The following PCSK7 variants were observed in gnomAD, a reference collection of about 807,000 sequenced individuals.
The protein encoded by PCSK7 is lymphoma proprotein convertase.
A neutral mutation model predicts 73.3 loss-of-function variants in PCSK7; 38 were observed. That is an observed-to-expected ratio of 0.52 (90% CI 0.40 to 0.68). PCSK7 has a LOEUF of 0.68. Ranked by LOEUF, PCSK7 falls within the 30% of genes least tolerant of loss-of-function variation. The pLI is 0.00. For missense variants in PCSK7, 692 were observed against 991.5 expected (o/e 0.70, Z 4.06); for synonymous variants, 296 against 383.8 (o/e 0.77, Z 2.68).
rs1239177996 is a variant in PCSK7, at chr11:117,204,948, T to A, written c.*1049A>T. ...CAAGATTCCAGGACAGTCAGATTCT[T>A]TCAGAGGAAACAGGCCATAGAACAG... is the stretch of plus-strand genomic sequence containing the variant. On this transcript the variant is annotated 3_prime_UTR_variant, in exon 17 of 17. Coordinates refer to ENST00000320934, the MANE Select transcript of PCSK7 (RefSeq NM_004716.4). 5.0e-6 allele frequency: 1 copy of A among 199,942 alleles called. No homozygotes were observed. The highest frequency in any genetic ancestry group is 1.1e-5 in the Non-Finnish European group (1 of 95,232). 12.4% of individuals were successfully genotyped at this position (199,942 alleles called of 1,614,324 possible).
At position 117,205,741 on chromosome 11, in the gene PCSK7, C is replaced by G. The variant is rs2031331317; in HGVS notation, c.*256G>C. On this transcript the variant is annotated 3_prime_UTR_variant, in exon 17 of 17. Transcript: ENST00000320934. The stretch of plus-strand genomic sequence containing the variant: ...AGAGAGATGAGGATGGAGGCCAAAC[C>G]AAAGGGGGGCGCCAATCCCCTGTCC... 1 of 388,636 alleles carries G rather than the reference C, an allele frequency of 2.6e-6. No individual in the cohort carries two copies. Among genetic ancestry groups the G allele is most frequent in the South Asian group, 1.0e-4 (1 of 9,910 alleles). The allele number at this position is 388,636 out of a possible 1,614,324, so 24.1% of individuals were successfully genotyped here.
chr11:117,215,380 G>GTATATATATA (rs57009414), intron 12 of PCSK7: 1,039 of 55,610 alleles, frequency 0.019, 18 homozygotes, highest in Non-Finnish European at 0.021. Flanking sequence ...GTGTGTGTGT[G>GTATATATATA]TATATATATA....
intron 3 of PCSK7, 86 bp from the exon 4 acceptor site, chr11:117,228,436 C>T: frequency 8.0e-7 from 1 of 1,255,204 alleles, no homozygotes. Context: ...CCTTTTCACC[C>T]TTGGCCTCCA....
At position 117,225,936 on chromosome 11, in the gene PCSK7, GC is replaced by G. The variant is rs1232770834; in HGVS notation, c.854del (p.Ser285ThrfsTer28). 9 of 1,595,682 alleles carry G rather than the reference GC, an allele frequency of 5.6e-6. No homozygotes were observed. The highest frequency in any genetic ancestry group is 7.7e-6 in the Non-Finnish European group (9 of 1,163,468). ...CATCTGCAGCTCTGCCTCACCTGCA[GC>G]TGTAGATGTCATTGATCTGATAGTG... ...NKHYQINDIY[S>X]CSWGPDDDGK... On this transcript the variant is annotated frameshift_variant, in exon 6 of 17. Coordinates refer to ENST00000320934, the MANE Select transcript of PCSK7 (RefSeq NM_004716.4). LOFTEE classifies it high-confidence loss of function.
At chr11:117,228,136 GA>G in intron 4 of PCSK7, 79 bp downstream of exon 4, 1 of 1,430,512 alleles carries the variant, frequency 7.0e-7, no homozygotes, top group South Asian at 1.2e-5. Flanking sequence ...AAGACCTCTA[GA>G]AAAGGGGACA....
intron 5 of PCSK7, 63 bp from the exon 6 acceptor site, chr11:117,226,084 G>A: frequency 1.1e-6 from 1 of 922,518 alleles, no homozygotes; most frequent in Non-Finnish European, 1.8e-6. Context: ...GGAACTGGGA[G>A]GTGGGGAGCC....
chr11:117,219,953 A>C, intron 9 of PCSK7, 195 bp from the exon 10 acceptor site: 1 of 450,966 alleles, frequency 2.2e-6, no homozygotes, highest in Non-Finnish European at 3.9e-6. Flanking sequence ...AAAAAAGAAT[A>C]TTTTTTAAAA....
At chr11:117,219,294 A>AT in intron 10 of PCSK7, 130 bp from the exon 11 acceptor site, 1 of 715,600 alleles carries the variant, frequency 1.4e-6, no homozygotes, top group Non-Finnish European at 2.3e-6. Context: ...CTGGGAATGG[A>AT]TTCCCCAAGG....
chr11:117,211,110 A>T (rs1335514312), intron 12 of PCSK7: 1 of 152,112 alleles, frequency 6.6e-6, no homozygotes, highest in Non-Finnish European at 1.5e-5. Flanking sequence ...GAGCAAGGAC[A>T]GGGGTGTTTG....
At chr11:117,228,394 C>A in intron 3 of PCSK7, 44 bp from the exon 4 acceptor site, 3 of 1,589,208 alleles carry the variant, frequency 1.9e-6, no homozygotes, top group African/African-American at 1.3e-5. Flanking sequence ...CATAGCACAG[C>A]CCAGAGGGAG....
In PCSK7 at chr11:117,206,956, G is replaced by A. The variant is rs146765763; in HGVS notation, c.1880+111C>T. Reference sequence around the variant, plus strand: ...TTCCCAGCCCGGGGCTCCATCTACCGGCTTGACGCTGGAACTGGGAAGCAC... The same window carrying A: ...TTCCCAGCCCGGGGCTCCATCTACCAGCTTGACGCTGGAACTGGGAAGCAC... On this transcript the variant is annotated intron_variant, in intron 15 of 16. Transcript: ENST00000320934. 1.2e-3 allele frequency: 1,630 copies of A among 1,345,100 alleles called. 536 individuals carry two copies. The highest frequency in any genetic ancestry group is 6.1e-3 in the South Asian group (486 of 80,044). 83.3% of individuals were successfully genotyped at this position (1,345,100 alleles called of 1,614,324 possible).
In PCSK7 at chr11:117,205,661, A is replaced by T. The variant is rs914135875; in HGVS notation, c.*336T>A. On this transcript the variant is annotated 3_prime_UTR_variant, in exon 17 of 17. Transcript: ENST00000320934. ...GCTATGGCAGGCACCTTCTCAACTT[A>T]TATGTGGGAAGGGGTCCCCCATGCT... The T allele has an allele frequency of 1.1e-5, 3 of 271,750 alleles. No homozygotes were observed. The highest frequency in any genetic ancestry group is 2.1e-5 in the Non-Finnish European group (3 of 144,964). 16.8% of individuals were successfully genotyped at this position (271,750 alleles called of 1,614,324 possible). A position where few individuals can be genotyped will look rare whatever the true frequency, so the allele number is the denominator to read the frequency against.
chr11:117,224,193 A>C lies in PCSK7; in HGVS notation c.939T>G (p.Ile313Met), dbSNP rs2032319301. 1 of 1,614,056 alleles carries C rather than the reference A, an allele frequency of 6.2e-7. No individual in the cohort carries two copies. Among genetic ancestry groups the C allele is most frequent in the Non-Finnish European group, 8.5e-7 (1 of 1,180,034 alleles). The change falls in exon 8 of 17, where the codon ATT (isoleucine) becomes ATG (methionine). Residue 313 changes from isoleucine to methionine, a missense_variant. By Grantham distance (10) the Ile-to-Met change is conservative (BLOSUM62 1). Coordinates refer to ENST00000320934, the MANE Select transcript of PCSK7 (RefSeq NM_004716.4). ...LGKAALQHGV[I>M]AGRQGFGSIF... ...TGCTCCCAAAGCCCTGGCGACCAGC[A>C]ATCACCCCATGTTGTAAGGCAGCCT...
chr11:117,210,360 C>CTTTTTTT (rs58512680), intron 12 of PCSK7: 1 of 134,006 alleles, frequency 7.5e-6, no homozygotes, highest in African/African-American at 2.8e-5. Context: ...GAGAACGATT[C>CTTTTTTT]TTTTTTTTTT....
At position 117,226,239 on chromosome 11, in the gene PCSK7, C is replaced by T. The variant is rs549039521; in HGVS notation, c.770-218G>A. ...GCAGCCTCCACCTCCTGGGTTCAAGCGATTGTCTTGCCTCAGCCTCGAAGT... is the reference window on the plus strand; with the variant it reads ...GCAGCCTCCACCTCCTGGGTTCAAGTGATTGTCTTGCCTCAGCCTCGAAGT... On this transcript the variant is annotated intron_variant, in intron 5 of 16. Coordinates refer to ENST00000320934, the MANE Select transcript of PCSK7 (RefSeq NM_004716.4). The T allele has an allele frequency of 1.3e-4, 70 of 550,706 alleles. No homozygotes were observed. The Middle Eastern group carries it at 1.5e-3, about 12-fold the overall frequency. The allele number at this position is 550,706 out of a possible 1,614,324, so 34.1% of individuals were successfully genotyped here. A position where few individuals can be genotyped will look rare whatever the true frequency, so the allele number is the denominator to read the frequency against.
intron 9 of PCSK7, 65 bp downstream of exon 9, chr11:117,223,143 T>C: frequency 1.1e-6 from 1 of 931,728 alleles, no homozygotes. Flanking sequence ...AGAAGCGCTG[T>C]GATGTCTGAG....
At chr11:117,228,170 G>T in intron 4 of PCSK7, 46 bp downstream of exon 4, 1 of 1,590,848 alleles carries the variant, frequency 6.3e-7, no homozygotes, top group African/African-American at 1.3e-5. Flanking sequence ...CATCAAGAAG[G>T]AGGTAAGACG....
rs2032596553 is a variant in PCSK7 at position 117,230,352 on chromosome 11, G to C, written c.-16C>G. On this transcript the variant is annotated 5_prime_UTR_variant, in exon 2 of 17. It adds an upstream start codon to the 5' untranslated region. Transcript: ENST00000320934. The stretch of plus-strand genomic sequence containing the variant: ...CATAACAGGGCCCCGTGCCCACCTG[G>C]ATTCTACATGAGGTTGAGCTCCTGG... The C allele has an allele frequency of 6.5e-6, 1 of 154,450 alleles. No individual in the cohort carries two copies. The highest frequency in any genetic ancestry group is 2.4e-5 in the African/African-American group (1 of 41,482). 9.6% of individuals were successfully genotyped at this position (154,450 alleles called of 1,614,324 possible).
At chr11:117,224,270 G>A (rs552155438) in intron 7 of PCSK7, 54 bp from the exon 8 acceptor site, 12 of 1,579,708 alleles carry the variant, frequency 7.6e-6, no homozygotes, top group African/African-American at 2.7e-5. Flanking sequence ...AAAGACCTCC[G>A]CCTACCACAT....
Sources: gnomAD v4.1 joint callset for allele counts on GRCh38, gnomAD v4.1.1 for gene constraint, MANE v1.5 for transcripts, NCBI Gene and HGNC (gene_info 2026-07-23, HGNC 2026-07-21) for gene names.